The following RIT2 variants were observed in gnomAD, a reference collection of about 807,000 sequenced individuals.
The protein encoded by RIT2 is Ras like without CAAX 2, also known as GTP-binding protein Rit2.
A neutral mutation model predicts 23.7 loss-of-function variants in RIT2; 24 were observed. The observed-to-expected ratio is 1.01, with a 90% CI of 0.73 to 1.43. The LOEUF is 1.43. Ranked by LOEUF, RIT2 falls within the 40% of genes most tolerant of loss-of-function variation. RIT2 has a pLI of 0.00. For missense variants in RIT2, 236 were observed against 266.9 expected (o/e 0.88, Z 0.81); for synonymous variants, 107 against 91.1 (o/e 1.17, Z -0.99).
At chr18:42,972,254 A>G (rs1910379297) in intron 3 of RIT2, among the ~76,000 whole-genome samples, 1 of 151,934 alleles carries the variant, frequency 6.6e-6, no homozygotes, top group South Asian at 2.1e-4. Context: ...TCCATTGTAT[A>G]TATTCCCAGT....
intron 3 of RIT2, among the ~76,000 whole-genome samples, chr18:42,967,668 G>T (rs1598733301): frequency 6.7e-6 from 1 of 148,986 alleles, no homozygotes. Context: ...TGGGATTACA[G>T]GCGTGAGCCA....
rs184146278 is a variant in RIT2 at position 42,961,738 on chromosome 18, A to G, written c.234+12336T>C. Among the ~76,000 whole-genome samples the G allele has an allele frequency of 6.6e-5, 10 of 152,230 alleles. No individual in the cohort carries two copies. The East Asian group carries it at 1.9e-3, about 29-fold the overall frequency. On this transcript the variant is annotated intron_variant, in intron 3 of 4. Coordinates refer to ENST00000326695, the MANE Select transcript of RIT2 (RefSeq NM_002930.4). ...TGTTGCTATTTAGGCTACATTTTCT[A>G]TGGTCTCACCAGAGCCATATGAAAA...
chr18:43,076,997 G>A (rs1913037688), intron 1 of RIT2, among the ~76,000 whole-genome samples: 1 of 150,000 alleles, frequency 6.7e-6, no homozygotes, highest in Non-Finnish European at 1.5e-5. Context: ...CAGCTACTCG[G>A]GAGGCTGAGG....
intron 4 of RIT2, among the ~76,000 whole-genome samples, chr18:42,897,632 G>A (rs778935330): frequency 7.9e-5 from 12 of 151,960 alleles, no homozygotes; most frequent in Non-Finnish European, 1.5e-4. Context: ...GTTTCATGGC[G>A]GATGTAGTTA....
chr18:42,833,282 C>A lies in RIT2; in HGVS notation c.427-89562G>T, dbSNP rs889840100. 1.4e-4 allele frequency among the ~76,000 whole-genome samples: 21 copies of A among 152,200 alleles called. No homozygotes were observed. In the East Asian group the frequency reaches 3.7e-3, roughly 27 times the overall value. On this transcript the variant is annotated intron_variant, in intron 4 of 4. Coordinates refer to ENST00000326695, the MANE Select transcript of RIT2 (RefSeq NM_002930.4). The stretch of plus-strand genomic sequence containing the variant: ...TGACTTATTTCACTTAGCATAATAA[C>A]CTCTAGTTCCATGTTGCTGCAAATT...
chr18:43,046,823 T>C (rs1227224027), intron 1 of RIT2, among the ~76,000 whole-genome samples: 2 of 152,190 alleles, frequency 1.3e-5, no homozygotes, highest in African/African-American at 4.8e-5. Context: ...TGCAATTGTC[T>C]TTTAAGCTAT....
chr18:42,749,219 A>G (rs1453366725), intron 4 of RIT2, among the ~76,000 whole-genome samples: 1 of 151,994 alleles, frequency 6.6e-6, no homozygotes, highest in East Asian at 1.9e-4. Context: ...GTATTTAAAT[A>G]GTCAATAGGT....
intron 4 of RIT2, among the ~76,000 whole-genome samples, chr18:42,791,203 T>G (rs1279197692): frequency 6.6e-6 from 1 of 152,228 alleles, no homozygotes; most frequent in Non-Finnish European, 1.5e-5. Context: ...ATTTTCTTTT[T>G]TTCTTAATTA....
intron 4 of RIT2, among the ~76,000 whole-genome samples, chr18:42,815,091 T>C (rs1905957548): frequency 6.6e-6 from 1 of 152,042 alleles, no homozygotes; most frequent in South Asian, 2.1e-4. Flanking sequence ...AAACCAACTC[T>C]AGTAATATGG....
intron 1 of RIT2, among the ~76,000 whole-genome samples, chr18:43,113,623 TATC>T (rs1914001943): frequency 6.6e-6 from 1 of 152,156 alleles, no homozygotes; most frequent in African/African-American, 2.4e-5. Flanking sequence ...ACCACTATAA[TATC>T]AGCAATATCA....
chr18:42,859,548 C>G (rs534748997), intron 4 of RIT2, among the ~76,000 whole-genome samples: 2 of 152,070 alleles, frequency 1.3e-5, no homozygotes, highest in African/African-American at 2.4e-5. Context: ...AGTTTTTGAT[C>G]TGGTACGTCC....
chr18:43,063,724 G>A (rs1912705936), intron 1 of RIT2, among the ~76,000 whole-genome samples: 1 of 152,082 alleles, frequency 6.6e-6, no homozygotes, highest in African/African-American at 2.4e-5. Context: ...TCACAAAAAT[G>A]AGAACTAAAA....
chr18:42,979,021 G>A, intron 2 of RIT2, among the ~76,000 whole-genome samples: 1 of 152,102 alleles, frequency 6.6e-6, no homozygotes, highest in Non-Finnish European at 1.5e-5. Flanking sequence ...CTTCAAATTA[G>A]CCATGAAACT....
At chr18:42,981,276 G>A (rs917573384) in intron 2 of RIT2, among the ~76,000 whole-genome samples, 2 of 152,066 alleles carry the variant, frequency 1.3e-5, no homozygotes, top group Non-Finnish European at 2.9e-5. Context: ...TGCAATACCT[G>A]TCTTCCAGAG....
rs189659038 is a variant in RIT2, at chr18:43,095,458, C to T, written c.103+19959G>A. 2.4e-3 allele frequency among the ~76,000 whole-genome samples: 364 copies of T among 151,876 alleles called. 2 individuals carry two copies. Among genetic ancestry groups the T allele is most frequent in the South Asian group, 5.6e-3 (27 of 4,820 alleles). On this transcript the variant is annotated intron_variant, in intron 1 of 4. Coordinates refer to ENST00000326695, the MANE Select transcript of RIT2 (RefSeq NM_002930.4). ...AGCAAACCAACATGGCACATGTATA[C>T]CTATGTACAAACCTGTACGTTGTGC...
intron 2 of RIT2, among the ~76,000 whole-genome samples, chr18:42,979,236 C>T (rs1055544026): frequency 1.3e-5 from 2 of 151,518 alleles, no homozygotes; most frequent in African/African-American, 4.8e-5. Context: ...TATTCATTTA[C>T]ATAATTTTAA....
intron 4 of RIT2, among the ~76,000 whole-genome samples, chr18:42,814,922 AATGATTACT>A (rs1320786082): frequency 6.6e-6 from 1 of 152,152 alleles, no homozygotes; most frequent in Non-Finnish European, 1.5e-5. Context: ...GAAGAGAGAT[AATGATTACT>A]ATGGCTCAGC....
At chr18:43,007,581 C>T (rs1235281639) in intron 2 of RIT2, among the ~76,000 whole-genome samples, 2 of 151,554 alleles carry the variant, frequency 1.3e-5, no homozygotes, top group Non-Finnish European at 3.0e-5. Context: ...AAGAAGAAAG[C>T]TATCAAAGTC....
intron 4 of RIT2, among the ~76,000 whole-genome samples, chr18:42,814,116 G>T (rs1306484450): frequency 6.6e-6 from 1 of 152,176 alleles, no homozygotes; most frequent in African/African-American, 2.4e-5. Context: ...CCTTACAGGG[G>T]TCCTTCGGGA....
Sources: gnomAD v4.1 joint callset for allele counts (sites outside exome capture counted in the v4.1 genomes callset) on GRCh38, gnomAD v4.1.1 for gene constraint, MANE v1.5 for transcripts, NCBI Gene and HGNC (gene_info 2026-07-23, HGNC 2026-07-21) for gene names.